UNC5C: variants seen among roughly 807,000 people sequenced by gnomAD.
UNC5C encodes the protein netrin receptor UNC5C.
UNC5C carries 47 observed loss-of-function variants against 99.8 expected under a neutral mutation model. That is an observed-to-expected ratio of 0.47 (90% CI 0.37 to 0.60). UNC5C has a LOEUF of 0.60. UNC5C is among the 20% of genes least tolerant of loss of function. The pLI, the probability that UNC5C is intolerant of heterozygous loss-of-function variation, is 0.00. For synonymous variants in UNC5C, 487 were observed against 452.2 expected (o/e 1.08, Z -0.98); for missense variants, 1,062 against 1,165.9 (o/e 0.91, Z 1.30).
chr4:95,499,502 C>G (rs892388915), intron 1 of UNC5C, among the ~76,000 whole-genome samples: 1 of 152,072 alleles, frequency 6.6e-6, no homozygotes, highest in African/African-American at 2.4e-5. Context: ...TGACCATTCT[C>G]TTCTCTGGAA....
chr4:95,391,759 A>G (rs1292181330), intron 1 of UNC5C, among the ~76,000 whole-genome samples: 1 of 45,862 alleles, frequency 2.2e-5, no homozygotes, highest in East Asian at 2.8e-4. Flanking sequence ...TTTCATGGTA[A>G]AAAAAAAAAA....
At chr4:95,478,532 C>T (rs1398361838) in intron 1 of UNC5C, among the ~76,000 whole-genome samples, 1 of 151,958 alleles carries the variant, frequency 6.6e-6, no homozygotes, top group Non-Finnish European at 1.5e-5. Flanking sequence ...GTTGATGCCC[C>T]TTTCAATATC....
intron 9 of UNC5C, 145 bp from the exon 10 acceptor site, chr4:95,216,356 C>T (rs1738249737): frequency 3.3e-6 from 2 of 606,760 alleles, no homozygotes; most frequent in Admixed American, 3.0e-5. Flanking sequence ...ATTTTCCTTC[C>T]TCATTGGCCT....
rs960436650 is a variant in UNC5C at position 95,167,059 on chromosome 4, G to A, written c.*2175C>T. The A allele has an allele frequency of 2.6e-5, 4 of 152,196 alleles. No homozygotes were observed. Among genetic ancestry groups the A allele is most frequent in the South Asian group, 4.1e-4 (2 of 4,828 alleles). The allele number at this position is 152,196 out of a possible 1,614,324, so 9.4% of individuals were successfully genotyped here. On this transcript the variant is annotated 3_prime_UTR_variant, in exon 16 of 16. Transcript: ENST00000453304. The stretch of plus-strand genomic sequence containing the variant: ...AAGAAAGAAGAGGTTCCATAGCAAG[G>A]TATCAGCAGTTCCTCAGGGATGAGG...
chr4:95,244,401 A>C (rs1250871979), intron 6 of UNC5C, among the ~76,000 whole-genome samples: 1 of 152,182 alleles, frequency 6.6e-6, no homozygotes. Flanking sequence ...TAGGTACTAC[A>C]GCAAATAACA....
chr4:95,394,602 AC>A (rs1745456335), intron 1 of UNC5C, among the ~76,000 whole-genome samples: 1 of 151,640 alleles, frequency 6.6e-6, no homozygotes, highest in African/African-American at 2.4e-5. Context: ...AAGAAAGGTG[AC>A]AAAATTATAT....
At chr4:95,271,190 T>TAG (rs1740646078) in intron 4 of UNC5C, among the ~76,000 whole-genome samples, 1 of 152,176 alleles carries the variant, frequency 6.6e-6, no homozygotes. Flanking sequence ...TCTACTGAGA[T>TAG]AGAGACCGTG....
intron 1 of UNC5C, among the ~76,000 whole-genome samples, chr4:95,418,766 T>C (rs896932205): frequency 1.3e-5 from 2 of 152,210 alleles, no homozygotes; most frequent in Non-Finnish European, 2.9e-5. Flanking sequence ...AATATCCAAC[T>C]TTCTTTAGAA....
intron 13 of UNC5C, among the ~76,000 whole-genome samples, chr4:95,184,004 T>C (rs1206711176): frequency 3.9e-5 from 6 of 152,204 alleles, no homozygotes; most frequent in Non-Finnish European, 8.8e-5. Context: ...ATCATTAAAA[T>C]AGTATTTTCT....
chr4:95,203,040 T>C, intron 11 of UNC5C, 76 bp from the exon 12 acceptor site: 1 of 1,346,918 alleles, frequency 7.4e-7, no homozygotes, highest in Non-Finnish European at 1.1e-6. Context: ...TGGTGAATGG[T>C]GAGTAGAGCA....
chr4:95,366,693 GACAACCCTAA>G (rs1307258250), intron 1 of UNC5C, among the ~76,000 whole-genome samples: 1 of 152,176 alleles, frequency 6.6e-6, no homozygotes, highest in African/African-American at 2.4e-5. Context: ...AGCTCCAGAT[GACAACCCTAA>G]GAGGTCTTCT....
chr4:95,224,560 G>A (rs778893135), intron 7 of UNC5C, among the ~76,000 whole-genome samples: 1 of 152,072 alleles, frequency 6.6e-6, no homozygotes, highest in South Asian at 2.1e-4. Context: ...GTGCCTTATG[G>A]TATTTATCTG....
intron 1 of UNC5C, among the ~76,000 whole-genome samples, chr4:95,360,145 A>G (rs1161889790): frequency 1.3e-5 from 2 of 152,172 alleles, no homozygotes; most frequent in Non-Finnish European, 2.9e-5. Context: ...CGAGAAATAT[A>G]CAGATGTTAC....
At chr4:95,444,657 A>T (rs1040028395) in intron 1 of UNC5C, among the ~76,000 whole-genome samples, 2 of 152,130 alleles carry the variant, frequency 1.3e-5, no homozygotes, top group Non-Finnish European at 2.9e-5. Context: ...GCACTTTAGG[A>T]ACCTGTATGA....
At chr4:95,419,259 A>G (rs1746253082) in intron 1 of UNC5C, among the ~76,000 whole-genome samples, 1 of 152,176 alleles carries the variant, frequency 6.6e-6, no homozygotes, top group Non-Finnish European at 1.5e-5. Context: ...ATGATAAGGT[A>G]ACCCCATAAT....
intron 10 of UNC5C, among the ~76,000 whole-genome samples, chr4:95,210,905 C>T (rs1226010570): frequency 6.6e-6 from 1 of 152,178 alleles, no homozygotes; most frequent in Admixed American, 6.5e-5. Flanking sequence ...CATGGTACAC[C>T]TGTATGGCAG....
At chr4:95,377,823 G>C (rs1417049921) in intron 1 of UNC5C, among the ~76,000 whole-genome samples, 1 of 152,038 alleles carries the variant, frequency 6.6e-6, no homozygotes, top group Non-Finnish European at 1.5e-5. Context: ...TGTGGATTTG[G>C]TCTTTTAAAG....
intron 1 of UNC5C, among the ~76,000 whole-genome samples, chr4:95,415,147 G>C (rs1437362112): frequency 6.6e-6 from 1 of 152,128 alleles, no homozygotes; most frequent in Non-Finnish European, 1.5e-5. Context: ...CCAGAAGCAT[G>C]CATGTAAAAG....
chr4:95,251,905 G>A (rs1263240007), intron 4 of UNC5C, among the ~76,000 whole-genome samples: 1 of 152,164 alleles, frequency 6.6e-6, no homozygotes, highest in Non-Finnish European at 1.5e-5. Context: ...CAACAATCCT[G>A]AAATATAGAA....
Sources: gnomAD v4.1 joint callset for allele counts (sites outside exome capture counted in the v4.1 genomes callset) on GRCh38, gnomAD v4.1.1 for gene constraint, MANE v1.5 for transcripts, NCBI Gene and HGNC (gene_info 2026-07-23, HGNC 2026-07-21) for gene names.